The following DAB1 variants were observed in gnomAD, a reference collection of about 807,000 sequenced individuals.
DAB1 encodes DAB adaptor protein 1, also known as disabled homolog 1.
In DAB1, 15 loss-of-function variants were observed where a neutral mutation model predicts 64.6. The observed-to-expected ratio is 0.23, with a 90% CI of 0.16 to 0.36. The LOEUF (loss-of-function observed/expected upper bound fraction) is 0.36. DAB1 is among the 10% of genes least tolerant of loss of function. The pLI is 1.00. For synonymous variants in DAB1, 235 were observed against 251.9 expected (o/e 0.93, Z 0.64); for missense variants, 596 against 706.7 (o/e 0.84, Z 1.78).
At chr1:57,958,775 T>A (rs1645448731) in intron 5 of DAB1, among the ~76,000 whole-genome samples, 1 of 152,194 alleles carries the variant, frequency 6.6e-6, no homozygotes, top group African/African-American at 2.4e-5. Context: ...CTTGTAGATT[T>A]TTGTCCTCTT....
At chr1:58,437,696 T>A (rs11581505) in intron 3 of DAB1, among the ~76,000 whole-genome samples, 31,043 of 152,140 alleles carry the variant, frequency 0.2, 3,612 homozygotes, top group Middle Eastern at 0.28. Context: ...GTAGAAAATA[T>A]CTGTAAGTAT....
At chr1:57,558,584 T>C (rs1645016516) in intron 7 of DAB1, among the ~76,000 whole-genome samples, 1 of 152,154 alleles carries the variant, frequency 6.6e-6, no homozygotes, top group Non-Finnish European at 1.5e-5. Context: ...GCCATGGGAA[T>C]AGATATTAAG....
intron 7 of DAB1, among the ~76,000 whole-genome samples, chr1:57,479,319 T>G (rs1643981257): frequency 6.6e-6 from 1 of 151,830 alleles, no homozygotes; most frequent in African/African-American, 2.4e-5. Flanking sequence ...ACAGAGACAG[T>G]TTATGCAGGA....
intron 5 of DAB1, among the ~76,000 whole-genome samples, chr1:58,085,849 T>C (rs1650267395): frequency 6.6e-6 from 1 of 152,134 alleles, no homozygotes; most frequent in Non-Finnish European, 1.5e-5. Flanking sequence ...TTTCCAAGTA[T>C]GCCCTGCCTG....
At chr1:58,469,378 T>A (rs1260669776) in intron 3 of DAB1, among the ~76,000 whole-genome samples, 1 of 151,740 alleles carries the variant, frequency 6.6e-6, no homozygotes, top group African/African-American at 2.4e-5. Context: ...AAGCATAGAG[T>A]CTGGCACCAA....
At chr1:58,318,782 T>G (rs192724204) in intron 4 of DAB1, among the ~76,000 whole-genome samples, 1 of 152,252 alleles carries the variant, frequency 6.6e-6, no homozygotes, top group Admixed American at 6.5e-5. Context: ...CCTCGAAATT[T>G]AAAAGCTGGA....
At chr1:57,258,460 C>T (rs1669932340) in intron 2 of DAB1, among the ~76,000 whole-genome samples, 1 of 152,144 alleles carries the variant, frequency 6.6e-6, no homozygotes, top group South Asian at 2.1e-4. Flanking sequence ...CCCCTGCATT[C>T]CCATCAGCTG....
chr1:58,368,041 G>A (rs548561149), intron 3 of DAB1, among the ~76,000 whole-genome samples: 39 of 152,210 alleles, frequency 2.6e-4, no homozygotes, highest in African/African-American at 7.2e-4. Flanking sequence ...TAGAAGGAAT[G>A]GTCTGTGTCA....
At chr1:58,349,339 C>T (rs902245888) in intron 3 of DAB1, among the ~76,000 whole-genome samples, 5 of 152,104 alleles carry the variant, frequency 3.3e-5, no homozygotes, top group African/African-American at 4.8e-5. Flanking sequence ...CAGTGCATAG[C>T]GGGGAAAAGC....
chr1:58,408,946 C>T (rs1644642200), intron 3 of DAB1, among the ~76,000 whole-genome samples: 1 of 152,122 alleles, frequency 6.6e-6, no homozygotes, highest in Admixed American at 6.5e-5. Flanking sequence ...CTGGGGGGAA[C>T]ACAAGAGATG....
chr1:57,767,034 T>G (rs767455292), intron 6 of DAB1, among the ~76,000 whole-genome samples: 10 of 152,152 alleles, frequency 6.6e-5, no homozygotes, highest in Admixed American at 3.3e-4. Flanking sequence ...AGGCACCACC[T>G]TTTCAGCCCA....
intron 4 of DAB1, among the ~76,000 whole-genome samples, chr1:58,166,241 G>A (rs1007194600): frequency 1.3e-5 from 2 of 152,082 alleles, no homozygotes; most frequent in East Asian, 1.9e-4. Context: ...TTACATAACC[G>A]TGCAACTATC....
At chr1:57,170,222 C>G (rs1416673106) in intron 2 of DAB1, among the ~76,000 whole-genome samples, 1 of 152,112 alleles carries the variant, frequency 6.6e-6, no homozygotes, top group Non-Finnish European at 1.5e-5. Flanking sequence ...TGATCTCGAA[C>G]TCTTGACCCC....
chr1:58,026,406 T>C (rs913554375), intron 5 of DAB1, among the ~76,000 whole-genome samples: 2 of 152,142 alleles, frequency 1.3e-5, no homozygotes, highest in Admixed American at 1.3e-4. Flanking sequence ...AGTATCTCCA[T>C]TTTTTCATCC....
intron 5 of DAB1, among the ~76,000 whole-genome samples, chr1:58,019,815 C>T (rs1426085945): frequency 6.6e-6 from 1 of 152,142 alleles, no homozygotes; most frequent in Admixed American, 6.5e-5. Flanking sequence ...GATCATCATG[C>T]TGGGAATAGA....
At chr1:58,523,223 C>T (rs1289102623) in intron 2 of DAB1, among the ~76,000 whole-genome samples, 1 of 152,190 alleles carries the variant, frequency 6.6e-6, no homozygotes, top group Admixed American at 6.5e-5. Context: ...TCACTCCCCA[C>T]CTTTTTTGCC....
chr1:57,807,792 C>T (rs2101880410), intron 6 of DAB1, among the ~76,000 whole-genome samples: 1 of 152,172 alleles, frequency 6.6e-6, no homozygotes, highest in African/African-American at 2.4e-5. Flanking sequence ...AAAACCAACC[C>T]TCTTTTTTCT....
chr1:58,133,544 C>T (rs556011822), intron 5 of DAB1, among the ~76,000 whole-genome samples: 1 of 152,198 alleles, frequency 6.6e-6, no homozygotes, highest in Admixed American at 6.5e-5. Flanking sequence ...TCTCTACCTG[C>T]CAACAGATTT....
rs554602878 is a variant in DAB1, at chr1:58,179,445, C to G, written n.310-28857G>C. Among the ~76,000 whole-genome samples, 94 of 152,168 alleles carry G rather than the reference C, an allele frequency of 6.2e-4. 1 individual carries two copies. The highest frequency in any genetic ancestry group is 2.2e-3 in the African/African-American group (91 of 41,566). ...TTTTTTAAATATTTGTTAGAATTCG[C>G]CAGTAAAGCCATCTAGGCTGGGGCT... On this transcript the variant is annotated intron_variant and non_coding_transcript_variant, in intron 4 of 20. Coordinates refer to the DAB1 transcript ENST00000485760.
Sources: gnomAD v4.1 joint callset for allele counts (sites outside exome capture counted in the v4.1 genomes callset) on GRCh38, gnomAD v4.1.1 for gene constraint, MANE v1.5 for transcripts, NCBI Gene and HGNC (gene_info 2026-07-23, HGNC 2026-07-21) for gene names.